The following LOC101059915 variants were observed in gnomAD, a reference collection of about 807,000 sequenced individuals.
chrX:71,671,052 G>A, the LOC101059915 span: 57 of 752,811 alleles, frequency 7.6e-5, no homozygotes, highest in Non-Finnish European at 8.6e-5. Context: ...CTGCTTAGAA[G>A]GCATTTCCAC....
At chrX:71,670,887 G>A in the LOC101059915 span, 1 of 754,274 alleles carries the variant, frequency 1.3e-6, no homozygotes, top group African/African-American at 2.3e-5. Context: ...AAGTCCCAGA[G>A]ATCTTCTCTT....
the LOC101059915 span, chrX:71,668,728 G>A: frequency 5.4e-5 from 58 of 1,072,146 alleles, no homozygotes; most frequent in East Asian, 7.7e-4. Context: ...AGGAGCTGCC[G>A]TTAGAGGGCC....
At chrX:71,668,699 G>A in the LOC101059915 span, 3 of 1,076,203 alleles carry the variant, frequency 2.8e-6, no homozygotes, top group Non-Finnish European at 3.6e-6. Flanking sequence ...GGAAAGAGGG[G>A]GGTCAGGCCC....
chrX:71,667,752 T>C, the LOC101059915 span: 5 of 1,001,036 alleles, frequency 5.0e-6, no homozygotes, highest in Non-Finnish European at 6.3e-6. Context: ...TCTCCCACTG[T>C]TACCAGGACG....
the LOC101059915 span, chrX:71,668,286 C>T: frequency 1.5e-5 from 17 of 1,131,593 alleles, no homozygotes; most frequent in East Asian, 1.3e-4. Context: ...AGGCCTCTGC[C>T]GGCCCTCTCC....
chrX:71,668,605 C>T, the LOC101059915 span: 6 of 1,089,784 alleles, frequency 5.5e-6, no homozygotes, highest in South Asian at 2.5e-5. Flanking sequence ...CTCTCCTCCC[C>T]GCAGACTCAC....
chrX:71,670,129 T>C, the LOC101059915 span: 4 of 842,467 alleles, frequency 4.7e-6, no homozygotes, highest in Admixed American at 8.7e-5. Context: ...AGAGGGAGGG[T>C]TGGAGATGCT....
At chrX:71,668,064 G>T in the LOC101059915 span, 1 of 1,157,328 alleles carries the variant, frequency 8.6e-7, no homozygotes, top group South Asian at 2.0e-5. Flanking sequence ...AGGAAGGCCG[G>T]CCTGGCACCC....
At chrX:71,668,531 C>G in the LOC101059915 span, 2 of 1,139,120 alleles carry the variant, frequency 1.8e-6, no homozygotes, top group African/African-American at 3.6e-5. Context: ...CCAGGAGACA[C>G]TTGCGGACGC....
the LOC101059915 span, chrX:71,668,268 A>G: frequency 8.8e-7 from 1 of 1,131,255 alleles, no homozygotes; most frequent in Admixed American, 2.9e-5. Context: ...GCCCTGGAGA[A>G]TGGCAGCAGG....
At chrX:71,669,815 C>T in the LOC101059915 span, 16 of 799,060 alleles carry the variant, frequency 2.0e-5, no homozygotes, top group Non-Finnish European at 2.3e-5. Context: ...CCCAGGCTTC[C>T]CTGCCCACCC....
the LOC101059915 span, chrX:71,667,801 G>T: frequency 1.9e-6 from 2 of 1,058,214 alleles, no homozygotes; most frequent in South Asian, 2.7e-5. Context: ...ACTGGCGGGC[G>T]CCATGAGCTC....
the LOC101059915 span, chrX:71,670,731 T>C: frequency 3.6e-6 from 4 of 1,097,244 alleles, no homozygotes; most frequent in East Asian, 1.0e-4. Context: ...GGGGGTGGAC[T>C]GCAGGTATAG....
chrX:71,668,924 A>T, the LOC101059915 span: 19 of 1,142,203 alleles, frequency 1.7e-5, no homozygotes, highest in Non-Finnish European at 2.2e-5. Context: ...GTGAGACCCA[A>T]GGAGCCCAAG....
the LOC101059915 span, chrX:71,668,125 G>T: frequency 8.8e-7 from 1 of 1,137,822 alleles, no homozygotes; most frequent in Middle Eastern, 3.3e-4. Context: ...CCTGGCTGAT[G>T]AGCCAGCCAC....
At chrX:71,669,064 C>T in the LOC101059915 span, 1 of 1,131,881 alleles carries the variant, frequency 8.8e-7, no homozygotes, top group Non-Finnish European at 1.2e-6. Flanking sequence ...TTCGCGCACT[C>T]CTCCTTCTCC....
At chrX:71,670,718 G>A in the LOC101059915 span, 2 of 1,101,421 alleles carry the variant, frequency 1.8e-6, no homozygotes, top group Admixed American at 7.6e-5. Flanking sequence ...AGGTGCTGGT[G>A]GTGGGGGTGG....
At chrX:71,668,044 C>A in the LOC101059915 span, 1 of 1,163,254 alleles carries the variant, frequency 8.6e-7, no homozygotes, top group Non-Finnish European at 1.1e-6. Flanking sequence ...AAGGGTGGTG[C>A]TCTGGGGCCA....
At chrX:71,670,972 G>T in the LOC101059915 span, 68 of 752,736 alleles carry the variant, frequency 9.0e-5, no homozygotes, top group Non-Finnish European at 1.0e-4. Context: ...TTGCTTGCTG[G>T]CTGGCTTATC....
Sources: allele counts gnomAD v4.1 joint callset, GRCh38; gene constraint gnomAD v4.1.1; transcripts MANE v1.5.